The following ALDH1L1 variants were observed in gnomAD, a reference collection of about 807,000 sequenced individuals.
ALDH1L1 encodes the protein aldehyde dehydrogenase 1 family member L1.
ALDH1L1 carries 68 observed loss-of-function variants against 101.1 expected under a neutral mutation model. That is an observed-to-expected ratio of 0.67 (90% CI 0.55 to 0.82). The LOEUF (loss-of-function observed/expected upper bound fraction) is 0.82. ALDH1L1 is among the 40% of genes least tolerant of loss of function. The probability of loss-of-function intolerance (pLI) is 0.00; values close to 1 mark genes in which losing one functional copy is unlikely to be tolerated. For missense variants in ALDH1L1, 1,087 were observed against 1,172.7 expected, an observed-to-expected ratio of 0.93 and a Z score of 1.07; for synonymous variants, 486 against 470.8, an observed-to-expected ratio of 1.03 and a Z score of -0.42.
intron 14 of ALDH1L1, 121 bp downstream of exon 14, chr3:126,130,102 T>TG: frequency 2.2e-6 from 2 of 898,396 alleles, no homozygotes. Context: ...AAGAAGCACA[T>TG]GGATGGCTGT....
At chr3:126,127,610 C>G (rs1449393744) in intron 14 of ALDH1L1, among the ~76,000 whole-genome samples, 1 of 152,142 alleles carries the variant, frequency 6.6e-6, no homozygotes. Context: ...GGCTGTTGGG[C>G]CAGGGTGCGG....
chr3:126,177,810 C>T (rs1021523285), intron 1 of ALDH1L1, among the ~76,000 whole-genome samples: 7 of 151,990 alleles, frequency 4.6e-5, no homozygotes, highest in East Asian at 1.9e-4. Flanking sequence ...GAGGCCAAGG[C>T]GGGCTGATCA....
intron 6 of ALDH1L1, 43 bp from the exon 7 acceptor site, chr3:126,153,624 G>A (rs1559957052): frequency 6.3e-7 from 1 of 1,585,896 alleles, no homozygotes; most frequent in South Asian, 1.2e-5. Context: ...GTGAGAAGAA[G>A]CCCCCGAAGC....
At chr3:126,152,460 C>T (rs77826720) in intron 7 of ALDH1L1, 10,660 of 152,344 alleles carry the variant, frequency 0.07, 476 homozygotes, top group African/African-American at 0.12. Context: ...ATACCCAAAA[C>T]ACTACATTGC....
chr3:126,168,844 TTAATCAC>T (rs2081220339), intron 1 of ALDH1L1, among the ~76,000 whole-genome samples: 1 of 152,216 alleles, frequency 6.6e-6, no homozygotes, highest in African/African-American at 2.4e-5. Flanking sequence ...ATATGTGCTA[TTAATCAC>T]ACTTAAAGTT....
chr3:126,145,993 A>C (rs901478727), intron 9 of ALDH1L1, among the ~76,000 whole-genome samples: 2 of 152,072 alleles, frequency 1.3e-5, no homozygotes, highest in Admixed American at 6.6e-5. Context: ...CATATTTTTT[A>C]CAAAACAATT....
chr3:126,118,107 G>A lies in ALDH1L1; in HGVS notation c.1889-9C>T, dbSNP rs757572614. 5.8e-5 allele frequency: 94 copies of A among 1,607,110 alleles called. No individual in the cohort carries two copies. The highest frequency in any genetic ancestry group is 7.1e-5 in the Non-Finnish European group (83 of 1,175,420). On this transcript the variant is annotated splice_polypyrimidine_tract_variant and intron_variant, in intron 16 of 22. Transcript: ENST00000393434. ...CTGGCCGACCAGGGAGCCTGTGGGC[G>A]GGAGGGAGGGGGGAATCAGAGTGGT...
chr3:126,194,271 C>A (rs1193771076), intron 1 of ALDH1L1, among the ~76,000 whole-genome samples: 1 of 152,162 alleles, frequency 6.6e-6, no homozygotes, highest in Non-Finnish European at 1.5e-5. Flanking sequence ...TAAATGTAAT[C>A]TGAAGAAGGT....
intron 1 of ALDH1L1, among the ~76,000 whole-genome samples, chr3:126,164,008 G>A (rs1446080288): frequency 1.3e-5 from 2 of 152,042 alleles, no homozygotes; most frequent in Admixed American, 6.5e-5. Flanking sequence ...GTACGTGCCT[G>A]TAGTCCCAGC....
intron 1 of ALDH1L1, among the ~76,000 whole-genome samples, chr3:126,194,802 T>A (rs1044076267): frequency 3.9e-5 from 6 of 152,132 alleles, no homozygotes; most frequent in Non-Finnish European, 8.8e-5. Flanking sequence ...CAAAAACACA[T>A]TTCACTCTCC....
chr3:126,134,140 G>GC (rs1416814567), intron 12 of ALDH1L1, among the ~76,000 whole-genome samples: 5 of 152,172 alleles, frequency 3.3e-5, no homozygotes, highest in Admixed American at 6.5e-5. Context: ...CTCCTGAACT[G>GC]CCCCCTCCGG....
intron 1 of ALDH1L1, among the ~76,000 whole-genome samples, chr3:126,192,238 A>G (rs373146030): frequency 2.0e-5 from 3 of 152,278 alleles, no homozygotes; most frequent in African/African-American, 7.2e-5. Context: ...TTTAACTGGT[A>G]AGACTGGAAT....
At position 126,130,270 on chromosome 3, in the gene ALDH1L1, C is replaced by T. The variant is rs1401599593; in HGVS notation, c.1647G>A (p.Gln549=). The T allele has an allele frequency of 6.2e-7, 1 of 1,611,460 alleles. No individual in the cohort carries two copies. Among genetic ancestry groups the T allele is most frequent in the Non-Finnish European group, 8.5e-7 (1 of 1,178,698 alleles). Residue 549 remains glutamine (Q), a synonymous_variant, in exon 14 of 23, where the codon CAG becomes CAA. Transcript: ENST00000393434. The part of the protein sequence containing the change: ...KIQGSTIPIN[Q]ARPNRNLTLT... Reference sequence around the variant, plus strand: ...AGGTCAGGTTGCGGTTGGGTCTGGCCTGGTTGATGGGGATGGTGGAGCCCT... The same window carrying T: ...AGGTCAGGTTGCGGTTGGGTCTGGCTTGGTTGATGGGGATGGTGGAGCCCT...
At chr3:126,148,294 G>C (rs72967746) in intron 8 of ALDH1L1, among the ~76,000 whole-genome samples, 10,626 of 152,286 alleles carry the variant, frequency 0.07, 474 homozygotes, top group African/African-American at 0.12. Context: ...TACAGGGAGA[G>C]TCAGCAAACA....
chr3:126,120,578 A>G (rs2080059724), intron 16 of ALDH1L1, among the ~76,000 whole-genome samples: 1 of 152,212 alleles, frequency 6.6e-6, no homozygotes, highest in Non-Finnish European at 1.5e-5. Flanking sequence ...ACAACCCAAG[A>G]GTGACCCCTA....
intron 9 of ALDH1L1, among the ~76,000 whole-genome samples, chr3:126,145,114 A>G (rs991546743): frequency 6.6e-6 from 1 of 152,232 alleles, no homozygotes; most frequent in Non-Finnish European, 1.5e-5. Flanking sequence ...AATGAAAATA[A>G]AAACTACAAT....
intron 9 of ALDH1L1, among the ~76,000 whole-genome samples, chr3:126,141,414 G>A (rs1166670437): frequency 6.6e-6 from 1 of 152,010 alleles, no homozygotes; most frequent in Non-Finnish European, 1.5e-5. Context: ...TTCTTTTCAA[G>A]GTTACATGGA....
At chr3:126,157,545 G>A (rs2080939531) in intron 3 of ALDH1L1, 37 bp from the exon 4 acceptor site, 1 of 1,601,422 alleles carries the variant, frequency 6.2e-7, no homozygotes, top group Admixed American at 1.7e-5. Flanking sequence ...AGTCCACGAT[G>A]AAGGGCCACG....
At chr3:126,180,378 T>TCCTGGAGCC (rs1214094651) in intron 1 of ALDH1L1, 98 bp downstream of exon 1, 35 of 903,828 alleles carry the variant, frequency 3.9e-5, no homozygotes, top group South Asian at 5.1e-5. Flanking sequence ...GAGAACCGAG[T>TCCTGGAGCC]CCTGGAGCCC....
Sources: gnomAD v4.1 joint callset for allele counts (sites outside exome capture counted in the v4.1 genomes callset) on GRCh38, gnomAD v4.1.1 for gene constraint, MANE v1.5 for transcripts, NCBI Gene and HGNC (gene_info 2026-07-23, HGNC 2026-07-21) for gene names.